Variants in NFIB observed in about 807,000 individuals in gnomAD.
The protein encoded by NFIB is nuclear factor 1 B-type.
A neutral mutation model predicts 61.5 loss-of-function variants in NFIB; 11 were observed. The ratio of observed to expected loss-of-function variants is 0.18; its 90% CI spans 0.11 to 0.30. The LOEUF is 0.30. Ranked by LOEUF, NFIB falls within the 10% of genes least tolerant of loss-of-function variation. NFIB has a pLI of 1.00. For missense variants in NFIB, 471 were observed against 608.9 expected (o/e 0.77, Z 2.38); for synonymous variants, 260 against 216.5 (o/e 1.20, Z -1.76).
In NFIB at chr9:14,086,465, A is replaced by G. The variant is rs2032881280; in HGVS notation, c.*1844T>C. 4.6e-6 allele frequency: 1 copy of G among 216,546 alleles called. No individual in the cohort carries two copies. Among genetic ancestry groups the G allele is most frequent in the East Asian group, 6.8e-5 (1 of 14,624 alleles). The allele number at this position is 216,546 out of a possible 1,614,324, so 13.4% of individuals were successfully genotyped here. ...CTACATAGGCAAAACTTGGTATTGCATAATTCGTATAAATTTGAAACCCCT... is the reference window on the plus strand; with the variant it reads ...CTACATAGGCAAAACTTGGTATTGCGTAATTCGTATAAATTTGAAACCCCT... On this transcript the variant is annotated 3_prime_UTR_variant, in exon 11 of 11. Transcript: ENST00000380953.
chr9:14,092,662 A>C (rs568009524), intron 10 of NFIB, among the ~76,000 whole-genome samples: 70 of 152,168 alleles, frequency 4.6e-4, no homozygotes, highest in African/African-American at 1.6e-3. Context: ...TAACCTAGCT[A>C]ATGTTGCGAA....
chr9:14,342,191 A>G (rs564593301), intron 1 of NFIB, among the ~76,000 whole-genome samples: 1 of 152,344 alleles, frequency 6.6e-6, no homozygotes, highest in South Asian at 2.1e-4. Context: ...TTTGAAAATA[A>G]AGAACCTAGA....
At chr9:14,088,911 A>C (rs1253941426) in intron 10 of NFIB, among the ~76,000 whole-genome samples, 1 of 152,192 alleles carries the variant, frequency 6.6e-6, no homozygotes, top group African/African-American at 2.4e-5. Context: ...TGAAATGCCC[A>C]ATTATCAAAC....
intron 2 of NFIB, among the ~76,000 whole-genome samples, chr9:14,224,150 G>C (rs1232038064): frequency 6.6e-6 from 1 of 152,166 alleles, no homozygotes; most frequent in African/African-American, 2.4e-5. Context: ...AGATATTTCT[G>C]GCTGACCCAG....
At position 14,125,800 on chromosome 9, in the gene NFIB, G is replaced by A. The variant is rs780246585; in HGVS notation, c.926-34C>T. The A allele has an allele frequency of 4.3e-6, 7 of 1,609,502 alleles. No homozygotes were observed. In the East Asian group the frequency reaches 6.7e-5, roughly 15 times the overall value. Reference sequence around the variant, plus strand: ...AACAGAGAAAAACCCAAAGCTCCATGACTTTCTTAAGCTCTAAGGTTCATG... The same window carrying A: ...AACAGAGAAAAACCCAAAGCTCCATAACTTTCTTAAGCTCTAAGGTTCATG... On this transcript the variant is annotated intron_variant, in intron 6 of 10. Coordinates refer to ENST00000380953, the MANE Select transcript of NFIB (RefSeq NM_001190737.2).
At chr9:14,495,152 T>C in the NFIB span, among the ~76,000 whole-genome samples, 1 of 152,184 alleles carries the variant, frequency 6.6e-6, no homozygotes, top group African/African-American at 2.4e-5. Flanking sequence ...CCTGTTTACA[T>C]CCCTCTTCCT....
intron 2 of NFIB, among the ~76,000 whole-genome samples, chr9:14,203,640 C>T (rs538235410): frequency 1.3e-5 from 2 of 152,282 alleles, no homozygotes; most frequent in African/African-American, 4.8e-5. Flanking sequence ...GGCCTGGGCC[C>T]GCCTCACCAA....
At chr9:14,358,153 A>C (rs1009478847) in intron 1 of NFIB, among the ~76,000 whole-genome samples, 2 of 151,550 alleles carry the variant, frequency 1.3e-5, no homozygotes, top group Non-Finnish European at 2.9e-5. Flanking sequence ...TGTGTGAATT[A>C]GACATAAGTT....
At chr9:14,232,859 C>G (rs1017222386) in intron 2 of NFIB, among the ~76,000 whole-genome samples, 1 of 152,098 alleles carries the variant, frequency 6.6e-6, no homozygotes, top group Non-Finnish European at 1.5e-5. Flanking sequence ...CTGTAACTAT[C>G]CTAGTCTATA....
At chr9:14,480,252 C>A in the NFIB span, among the ~76,000 whole-genome samples, 7 of 152,156 alleles carry the variant, frequency 4.6e-5, no homozygotes, top group East Asian at 1.2e-3. Context: ...GGTCATAGGG[C>A]AATTACCTTG....
chr9:14,174,032 T>C (rs901672127), intron 3 of NFIB, among the ~76,000 whole-genome samples: 2 of 152,132 alleles, frequency 1.3e-5, no homozygotes, highest in African/African-American at 2.4e-5. Flanking sequence ...TAAGAGTAAT[T>C]TGTGAAAGAA....
intron 2 of NFIB, among the ~76,000 whole-genome samples, chr9:14,205,359 T>C (rs2049568930): frequency 6.7e-6 from 1 of 149,100 alleles, no homozygotes; most frequent in African/African-American, 2.5e-5. Context: ...TAAAAATACA[T>C]ACTGATTTGT....
the NFIB span, among the ~76,000 whole-genome samples, chr9:14,413,119 A>C: frequency 6.6e-6 from 1 of 152,110 alleles, no homozygotes; most frequent in East Asian, 1.9e-4. Context: ...TGCTCTCTCC[A>C]TCTGTTGGAT....
At chr9:14,407,215 A>C in the NFIB span, among the ~76,000 whole-genome samples, 1 of 152,362 alleles carries the variant, frequency 6.6e-6, no homozygotes, top group South Asian at 2.1e-4. Context: ...GATAATGCCA[A>C]ACATCTAACT....
At chr9:14,173,192 A>T (rs530752105) in intron 3 of NFIB, among the ~76,000 whole-genome samples, 1 of 152,146 alleles carries the variant, frequency 6.6e-6, no homozygotes, top group Non-Finnish European at 1.5e-5. Context: ...CCCCTATGTG[A>T]TCCTCACAAC....
intron 1 of NFIB, chr9:14,362,062 T>C (rs1034950234): frequency 7.2e-5 from 11 of 152,362 alleles, no homozygotes; most frequent in Non-Finnish European, 1.3e-4. Context: ...AGGGCCTCTC[T>C]ACATTAATTG....
At chr9:14,465,948 C>G in the NFIB span, among the ~76,000 whole-genome samples, 2 of 152,198 alleles carry the variant, frequency 1.3e-5, no homozygotes, top group Admixed American at 6.5e-5. Flanking sequence ...AGCCACTGCT[C>G]TAATGAAGCT....
chr9:14,448,324 T>C, the NFIB span, among the ~76,000 whole-genome samples: 1 of 152,214 alleles, frequency 6.6e-6, no homozygotes, highest in Non-Finnish European at 1.5e-5. Context: ...AGTTTGTATC[T>C]TGCGGTATCT....
intron 1 of NFIB, among the ~76,000 whole-genome samples, chr9:14,308,773 C>T (rs537153798): frequency 2.0e-5 from 3 of 152,266 alleles, no homozygotes; most frequent in East Asian, 3.9e-4. Flanking sequence ...CCTTTAGGCT[C>T]CTGCATTTTT....
Sources: allele counts gnomAD v4.1 joint callset (sites outside exome capture counted in the v4.1 genomes callset), GRCh38; gene constraint gnomAD v4.1.1; transcripts MANE v1.5; gene names NCBI Gene and HGNC (gene_info 2026-07-23, HGNC 2026-07-21).